Variants in CBX7 observed in about 807,000 individuals in gnomAD.
The protein encoded by CBX7 is chromobox protein homolog 7.
A neutral mutation model predicts 31.4 loss-of-function variants in CBX7; 14 were observed. The ratio of observed to expected loss-of-function variants is 0.45; its 90% CI spans 0.29 to 0.70. The LOEUF (loss-of-function observed/expected upper bound fraction) is 0.70, where lower values mean the gene tolerates loss of function less well. Among genes scored for constraint, CBX7 ranks in the 30% least tolerant of loss-of-function variants. The pLI is 0.11. For synonymous variants in CBX7, 159 were observed against 152.6 expected (o/e 1.04, Z -0.31); for missense variants, 269 against 351.9 (o/e 0.76, Z 1.89).
chr22:39,138,053 C>T (rs1027609307), intron 4 of CBX7, among the ~76,000 whole-genome samples: 9 of 151,990 alleles, frequency 5.9e-5, no homozygotes, highest in African/African-American at 7.3e-5. Flanking sequence ...TGGTGGCGGG[C>T]GCCTGTAGTC....
intron 2 of CBX7, among the ~76,000 whole-genome samples, chr22:39,142,392 G>T (rs917025440): frequency 1.3e-5 from 2 of 152,136 alleles, no homozygotes; most frequent in African/African-American, 2.4e-5. Flanking sequence ...CTTGTCTCTG[G>T]GCCTGGTACA....
intron 2 of CBX7, among the ~76,000 whole-genome samples, chr22:39,143,704 G>A (rs1930541023): frequency 6.6e-6 from 1 of 152,204 alleles, no homozygotes. Context: ...AGGTGTCCCA[G>A]GTTTTATCTT....
Position 39,131,792 on chromosome 22 carries a change from C to G in CBX7, c.*2099G>C, listed in dbSNP as rs12166266. ...GAAGCAGGAAAAAGGTCCTATGTCC[C>G]CTGGGGGATGGGGAGCGTGACTTCT... is the stretch of plus-strand genomic sequence containing the variant. On this transcript the variant is annotated 3_prime_UTR_variant, in exon 6 of 6. Coordinates refer to ENST00000216133, the MANE Select transcript of CBX7 (RefSeq NM_175709.5). 0.079 allele frequency: 11,996 copies of G among 152,306 alleles called. 577 individuals are homozygous for G. The highest frequency in any genetic ancestry group is 0.13 in the African/African-American group (5,453 of 41,518). 9.4% of individuals were successfully genotyped at this position (152,306 alleles called of 1,614,324 possible). A position where few individuals can be genotyped will look rare whatever the true frequency, so the allele number is the denominator to read the frequency against.
intron 4 of CBX7, 139 bp downstream of exon 4, chr22:39,138,497 C>A: frequency 1.3e-6 from 1 of 788,530 alleles, no homozygotes; most frequent in Admixed American, 1.9e-5. Flanking sequence ...TACCCAAGTG[C>A]CCCACCCCAC....
In CBX7 at chr22:39,144,535, A is replaced by C. The variant is rs138442231; in HGVS notation, c.114-3099T>G. 1.6e-3 allele frequency among the ~76,000 whole-genome samples: 246 copies of C among 152,308 alleles called. 4 individuals carry two copies. The East Asian group carries it at 0.044, about 27-fold the overall frequency. ...CTCAGGCCCGCCCGGGGCTCTGGGA[A>C]GGGCTGGGGAGCCCCTGCAGAATGC... On this transcript the variant is annotated intron_variant, in intron 2 of 5. Transcript: ENST00000216133.
chr22:39,141,806 C>A (rs1930467764), intron 2 of CBX7, among the ~76,000 whole-genome samples: 2 of 151,940 alleles, frequency 1.3e-5, no homozygotes, highest in Non-Finnish European at 2.9e-5. Flanking sequence ...GCAGAGGCCA[C>A]TGCTGCTGAC....
chr22:39,139,439 A>G (rs1930368935), intron 3 of CBX7, among the ~76,000 whole-genome samples: 1 of 152,146 alleles, frequency 6.6e-6, no homozygotes, highest in South Asian at 2.1e-4. Context: ...ACGGTGGCTC[A>G]CGCCCGTAAT....
chr22:39,136,323 C>A (rs937526992), intron 4 of CBX7: 29 of 152,364 alleles, frequency 1.9e-4, no homozygotes, highest in African/African-American at 6.7e-4. Flanking sequence ...CAACCACACC[C>A]ACCTCCTGGA....
intron 3 of CBX7, 102 bp downstream of exon 3, chr22:39,141,269 C>A (rs1930445218): frequency 5.9e-6 from 6 of 1,009,438 alleles, no homozygotes; most frequent in Admixed American, 4.2e-5. Context: ...CCATCGGACA[C>A]CCCTGCCCTG....
intron 4 of CBX7, among the ~76,000 whole-genome samples, chr22:39,136,961 G>A (rs186249291): frequency 1.1e-3 from 175 of 152,342 alleles, no homozygotes; most frequent in Middle Eastern, 3.4e-3. Context: ...GTTTTAATCA[G>A]GAGTGGCCAA....
chr22:39,150,514 A>G (rs1390462174), intron 1 of CBX7, among the ~76,000 whole-genome samples: 1 of 152,204 alleles, frequency 6.6e-6, no homozygotes, highest in African/African-American at 2.4e-5. Context: ...CAAGCCTGTC[A>G]TCCCAACACT....
intron 2 of CBX7, among the ~76,000 whole-genome samples, chr22:39,144,934 C>T (rs1044933813): frequency 2.6e-5 from 4 of 152,210 alleles, no homozygotes; most frequent in African/African-American, 9.6e-5. Flanking sequence ...GGTTGGGCAG[C>T]CAGCCCAGCG....
intron 1 of CBX7, among the ~76,000 whole-genome samples, chr22:39,151,829 C>G (rs1930865501): frequency 1.1e-5 from 1 of 93,670 alleles, no homozygotes; most frequent in Admixed American, 1.4e-4. Flanking sequence ...AGAGCCCTGG[C>G]CTGGGCTAGG....
At chr22:39,145,357 G>A (rs2146366473) in intron 2 of CBX7, among the ~76,000 whole-genome samples, 1 of 152,310 alleles carries the variant, frequency 6.6e-6, no homozygotes, top group East Asian at 1.9e-4. Context: ...CCGGGCGCTG[G>A]CAACCCAGGA....
chr22:39,143,483 T>G (rs932803317), intron 2 of CBX7, among the ~76,000 whole-genome samples: 1 of 152,202 alleles, frequency 6.6e-6, no homozygotes, highest in Non-Finnish European at 1.5e-5. Context: ...TCAGGTTAAT[T>G]TATTACTGAA....
intron 2 of CBX7, among the ~76,000 whole-genome samples, chr22:39,142,582 C>T (rs190209248): frequency 2.6e-5 from 4 of 152,332 alleles, no homozygotes; most frequent in East Asian, 1.9e-4. Flanking sequence ...GTGGAACCAC[C>T]GTGGTGACAC....
intron 5 of CBX7, 130 bp from the exon 6 acceptor site, chr22:39,134,178 G>A: frequency 4.9e-6 from 5 of 1,027,914 alleles, no homozygotes; most frequent in Non-Finnish European, 2.8e-6. Context: ...ACACAGGGCT[G>A]GACACTTGGG....
At chr22:39,150,784 G>C (rs1426627497) in intron 1 of CBX7, among the ~76,000 whole-genome samples, 1 of 151,596 alleles carries the variant, frequency 6.6e-6, no homozygotes, top group Admixed American at 6.6e-5. Flanking sequence ...AAAAAAAAAA[G>C]TTTACAGTCC....
In CBX7 at chr22:39,131,441, C is replaced by T. The variant is rs180803979; in HGVS notation, c.*2450G>A. On this transcript the variant is annotated 3_prime_UTR_variant, in exon 6 of 6. Coordinates refer to ENST00000216133, the MANE Select transcript of CBX7 (RefSeq NM_175709.5). ...GGCTGGAAGGAGGCCTGCACGGCCA[C>T]AGCCGTAGGTGACCTCATAGAGGTC... 1 of 152,938 alleles carries T rather than the reference C, an allele frequency of 6.5e-6. No individual in the cohort carries two copies. The allele number at this position is 152,938 out of a possible 1,614,324, so 9.5% of individuals were successfully genotyped here.
Sources: gnomAD v4.1 joint callset for allele counts (sites outside exome capture counted in the v4.1 genomes callset) on GRCh38, gnomAD v4.1.1 for gene constraint, MANE v1.5 for transcripts, NCBI Gene and HGNC (gene_info 2026-07-23, HGNC 2026-07-21) for gene names.